The following TBCK variants were observed in gnomAD, a reference collection of about 807,000 sequenced individuals.
The protein encoded by TBCK is TBC domain-containing protein kinase-like protein.
TBCK carries 99 observed loss-of-function variants against 113.4 expected under a neutral mutation model. That is an observed-to-expected ratio of 0.87 (90% CI 0.74 to 1.03). TBCK has a LOEUF of 1.03. Among genes scored for constraint, TBCK ranks in the 50% least tolerant of loss-of-function variants. The pLI, the probability that TBCK is intolerant of heterozygous loss-of-function variation, is 0.00. For synonymous variants in TBCK, 369 were observed against 370.8 expected, an observed-to-expected ratio of 1.00 and a Z score of 0.05; for missense variants, 1,045 against 1,061.3, an observed-to-expected ratio of 0.98 and a Z score of 0.21.
chr4:106,243,190 T>C (rs1760370242), intron 11 of TBCK, among the ~76,000 whole-genome samples: 1 of 152,142 alleles, frequency 6.6e-6, no homozygotes, highest in African/African-American at 2.4e-5. Flanking sequence ...TCTCTTGAGT[T>C]GGTATGAATG....
chr4:106,118,523 CA>C (rs926529654), intron 23 of TBCK, among the ~76,000 whole-genome samples: 1 of 152,198 alleles, frequency 6.6e-6, no homozygotes, highest in Non-Finnish European at 1.5e-5. Context: ...TTGAAATCAG[CA>C]AGCCATACAA....
Position 106,252,150 on chromosome 4 carries a change from C to T in TBCK, c.456-143G>A, listed in dbSNP as rs190966905. 372 of 591,022 alleles carry T rather than the reference C, an allele frequency of 6.3e-4. 1 individual carries two copies. The African/African-American group carries it at 6.4e-3, about 10-fold the overall frequency. 36.6% of individuals were successfully genotyped at this position (591,022 alleles called of 1,614,324 possible). A position where few individuals can be genotyped will look rare whatever the true frequency, so the allele number is the denominator to read the frequency against. Reference sequence around the variant, plus strand: ...TTGCTAGAAAGCATTCTAAACTAACCATCATAATACAGAACTTTAATGTCA... The same window carrying T: ...TTGCTAGAAAGCATTCTAAACTAACTATCATAATACAGAACTTTAATGTCA... On this transcript the variant is annotated intron_variant, in intron 5 of 25. Coordinates refer to ENST00000394708, the MANE Select transcript of TBCK (RefSeq NM_001163435.3).
intron 25 of TBCK, among the ~76,000 whole-genome samples, chr4:106,078,315 G>A (rs566664309): frequency 1.3e-5 from 2 of 152,054 alleles, no homozygotes; most frequent in African/African-American, 2.4e-5. Context: ...ACTGAGATGC[G>A]AAAATCCAGA....
chr4:106,234,659 CA>C (rs1441685127), intron 15 of TBCK, among the ~76,000 whole-genome samples: 1 of 151,904 alleles, frequency 6.6e-6, no homozygotes, highest in Non-Finnish European at 1.5e-5. Context: ...TATAAGAAGA[CA>C]AGATGACAAA....
intron 2 of TBCK, among the ~76,000 whole-genome samples, chr4:106,301,882 G>A (rs1003658852): frequency 6.6e-5 from 10 of 152,128 alleles, no homozygotes; most frequent in Non-Finnish European, 1.2e-4. Context: ...AAGTCATGTG[G>A]TATTACACCA....
In TBCK at chr4:106,049,374, C is replaced by T. The variant is rs147779380; in HGVS notation, c.2572-2694G>A. ...TCTGAATTTAACAGGGGCTGGGGAGCTGGTTTCTTTCTTCTTTCCTTTTAT... is the reference window on the plus strand; with the variant it reads ...TCTGAATTTAACAGGGGCTGGGGAGTTGGTTTCTTTCTTCTTTCCTTTTAT... On this transcript the variant is annotated intron_variant, in intron 25 of 25. Transcript: ENST00000394708. Among the ~76,000 whole-genome samples, 536 of 152,074 alleles carry T rather than the reference C, an allele frequency of 3.5e-3. 3 individuals are homozygous for T. The highest frequency in any genetic ancestry group is 0.01 in the Middle Eastern group (3 of 294).
At chr4:106,166,980 G>GT (rs1449705644) in intron 23 of TBCK, among the ~76,000 whole-genome samples, 7 of 150,608 alleles carry the variant, frequency 4.6e-5, no homozygotes, top group Middle Eastern at 3.5e-3. Flanking sequence ...TCGGGAACAA[G>GT]TAAGTCTACC....
chr4:106,274,984 T>C (rs572658396), intron 3 of TBCK, among the ~76,000 whole-genome samples: 2 of 151,818 alleles, frequency 1.3e-5, no homozygotes, highest in Non-Finnish European at 2.9e-5. Context: ...AGCTTTAAAG[T>C]ATGTAGGTGT....
At position 106,316,164 on chromosome 4, in the gene TBCK, G is replaced by A. The variant is rs1228829795; in HGVS notation, c.-263C>T. 3 of 168,628 alleles carry A rather than the reference G, an allele frequency of 1.8e-5. No homozygotes were observed. The highest frequency in any genetic ancestry group is 2.5e-5 in the Non-Finnish European group (2 of 78,500). The allele number at this position is 168,628 out of a possible 1,614,324, so 10.4% of individuals were successfully genotyped here. ...ACCTTCGCGGAACCCGGCGAGGAGC[G>A]CAAGCCTGGCCTTCCCCAAACACAG... On this transcript the variant is annotated 5_prime_UTR_variant, in exon 1 of 26. Transcript: ENST00000394708.
intron 23 of TBCK, among the ~76,000 whole-genome samples, chr4:106,159,969 T>C (rs977608541): frequency 6.6e-6 from 1 of 152,026 alleles, no homozygotes; most frequent in Admixed American, 6.6e-5. Flanking sequence ...AAATAAACCC[T>C]CCTATATATG....
At chr4:106,111,497 A>G (rs1195544132) in intron 24 of TBCK, among the ~76,000 whole-genome samples, 1 of 152,218 alleles carries the variant, frequency 6.6e-6, no homozygotes, top group African/African-American at 2.4e-5. Flanking sequence ...CAGCTCACTG[A>G]TTTCATTGGA....
intron 23 of TBCK, among the ~76,000 whole-genome samples, chr4:106,125,462 C>T (rs6844324): frequency 0.2 from 30,171 of 151,978 alleles, 3,369 homozygotes; most frequent in South Asian, 0.27. Context: ...TATTGTGCCA[C>T]TGCACTCCAG....
intron 1 of TBCK, 102 bp from the exon 2 acceptor site, chr4:106,309,091 C>T: frequency 1.5e-6 from 1 of 646,046 alleles, no homozygotes; most frequent in Non-Finnish European, 2.6e-6. Flanking sequence ...CCAACCTGAA[C>T]ACTTCACAGT....
At position 106,193,548 on chromosome 4, in the gene TBCK, G is replaced by T. The variant is rs913193066; in HGVS notation, c.2059+61C>A. ...ATGGTTATTTTTGCCAATGGCTTAA[G>T]AATGTGTCATTATTTCATAGTCAAA... On this transcript the variant is annotated intron_variant, in intron 22 of 25. Transcript: ENST00000394708. 13 of 1,584,512 alleles carry T rather than the reference G, an allele frequency of 8.2e-6. No homozygotes were observed. In the Admixed American group the frequency reaches 1.9e-4, roughly 23 times the overall value.
chr4:106,065,298 T>C (rs752517628), intron 25 of TBCK, among the ~76,000 whole-genome samples: 1 of 152,062 alleles, frequency 6.6e-6, no homozygotes, highest in African/African-American at 2.4e-5. Context: ...AAGAGGTATC[T>C]TTCTGGGGCT....
At chr4:106,214,246 G>A (rs963231218) in intron 19 of TBCK, among the ~76,000 whole-genome samples, 2 of 152,134 alleles carry the variant, frequency 1.3e-5, no homozygotes, top group Admixed American at 6.5e-5. Flanking sequence ...ACCAAAAGTA[G>A]ATAAAACCAC....
At chr4:106,223,669 A>C (rs904777709) in intron 19 of TBCK, among the ~76,000 whole-genome samples, 2 of 152,120 alleles carry the variant, frequency 1.3e-5, no homozygotes, top group African/African-American at 4.8e-5. Flanking sequence ...ATCTCCTCTT[A>C]TCTTTACCTT....
At chr4:106,229,034 G>A (rs1383028286) in intron 19 of TBCK, among the ~76,000 whole-genome samples, 1 of 152,014 alleles carries the variant, frequency 6.6e-6, no homozygotes, top group East Asian at 1.9e-4. Flanking sequence ...TTTGCCATGT[G>A]TATGTCTTCT....
intron 2 of TBCK, among the ~76,000 whole-genome samples, chr4:106,306,729 G>C (rs1767567968): frequency 6.6e-6 from 1 of 152,142 alleles, no homozygotes. Context: ...TTCAAAGCTA[G>C]GTTTCTATCA....
Sources: allele counts gnomAD v4.1 joint callset (sites outside exome capture counted in the v4.1 genomes callset), GRCh38; gene constraint gnomAD v4.1.1; transcripts MANE v1.5; gene names NCBI Gene and HGNC (gene_info 2026-07-23, HGNC 2026-07-21).